KCNH1: variants seen among roughly 807,000 people sequenced by gnomAD.
KCNH1 encodes the protein potassium voltage-gated channel subfamily H member 1.
A neutral mutation model predicts 69.2 loss-of-function variants in KCNH1; 27 were observed. That is an observed-to-expected ratio of 0.39 (90% confidence interval 0.29 to 0.54). The LOEUF (loss-of-function observed/expected upper bound fraction) is 0.54. Ranked by LOEUF, KCNH1 falls within the 20% of genes least tolerant of loss-of-function variation. The probability of loss-of-function intolerance (pLI) is 0.68; values close to 1 mark genes in which losing one functional copy is unlikely to be tolerated. For synonymous variants in KCNH1, 456 were observed against 487.7 expected (o/e 0.93, Z 0.86); for missense variants, 798 against 1,261.6 (o/e 0.63, Z 5.57).
intron 7 of KCNH1, among the ~76,000 whole-genome samples, chr1:210,878,638 C>A (rs2102504970): frequency 6.6e-6 from 1 of 151,884 alleles, no homozygotes; most frequent in Admixed American, 6.6e-5. Context: ...AAATACAGTG[C>A]ATAGAGGAAA....
intron 6 of KCNH1, among the ~76,000 whole-genome samples, chr1:210,985,764 G>T (rs11119650): frequency 0.71 from 107,984 of 152,036 alleles, 39,313 homozygotes; most frequent in African/African-American, 0.87. Context: ...ATTCTGTTGA[G>T]TCGGGGTGGA....
intron 1 of KCNH1, among the ~76,000 whole-genome samples, chr1:211,117,243 C>T (rs145593838): frequency 1.1e-3 from 170 of 152,308 alleles, no homozygotes; most frequent in African/African-American, 3.7e-3. Flanking sequence ...TTAGGTAATA[C>T]AGTCAAAGCC....
chr1:210,917,237 A>AAGAG (rs1324362037), intron 7 of KCNH1, among the ~76,000 whole-genome samples: 1 of 131,728 alleles, frequency 7.6e-6, no homozygotes, highest in African/African-American at 3.0e-5. Flanking sequence ...GAGAGAAAGA[A>AAGAG]AGAAAGAAAG....
intron 7 of KCNH1, among the ~76,000 whole-genome samples, chr1:210,870,986 A>G (rs1686228350): frequency 6.6e-6 from 1 of 152,188 alleles, no homozygotes; most frequent in African/African-American, 2.4e-5. Flanking sequence ...TTCCATACTT[A>G]TGGAATAGGG....
rs1684823012 is a variant in KCNH1, at chr1:210,816,650, T to A, written c.1463-12484A>T. 5.3e-5 allele frequency among the ~76,000 whole-genome samples: 8 copies of A among 152,242 alleles called. No homozygotes were observed. In the South Asian group the frequency reaches 1.7e-3, roughly 32 times the overall value. ...TTTGCAAACCCAGGTCTTGCTTTAC[T>A]TCCTAATGAGAGCTCTAAGTTTATT... On this transcript the variant is annotated intron_variant, in intron 7 of 10. Transcript: ENST00000271751.
chr1:211,064,990 T>C (rs535873078), intron 5 of KCNH1, among the ~76,000 whole-genome samples: 1 of 152,274 alleles, frequency 6.6e-6, no homozygotes, highest in South Asian at 2.1e-4. Context: ...AAGATAAGCA[T>C]TGGAGAAGAC....
chr1:210,786,877 CT>C (rs1168874548), intron 9 of KCNH1, among the ~76,000 whole-genome samples: 2 of 152,108 alleles, frequency 1.3e-5, no homozygotes, highest in Non-Finnish European at 2.9e-5. Flanking sequence ...CATAAAATAC[CT>C]CTTGGATCTA....
At chr1:211,070,496 G>A (rs1341486872) in intron 5 of KCNH1, among the ~76,000 whole-genome samples, 3 of 147,468 alleles carry the variant, frequency 2.0e-5, no homozygotes, top group Admixed American at 6.8e-5. Context: ...TCAAACTGCA[G>A]AATATCTAAG....
chr1:210,690,040 A>G (rs1450665727), intron 10 of KCNH1, among the ~76,000 whole-genome samples: 1 of 152,150 alleles, frequency 6.6e-6, no homozygotes, highest in East Asian at 1.9e-4. Context: ...CTCTGCCTGT[A>G]CTCACACTTC....
intron 5 of KCNH1, among the ~76,000 whole-genome samples, chr1:211,021,826 A>AT (rs1464016458): frequency 6.6e-6 from 1 of 152,184 alleles, no homozygotes; most frequent in East Asian, 1.9e-4. Context: ...GAGATAAGAA[A>AT]TTGAAGAGGA....
chr1:211,133,959 CG>C lies in KCNH1; in HGVS notation c.-15del. ...AGCCATGGTCATCCTCCCAGCAGCT[CG>C]GGGTCCGGCGGGCGTCCTGGCGCGG... On this transcript the variant is annotated 5_prime_UTR_variant, in exon 1 of 11. Coordinates refer to ENST00000271751, the MANE Select transcript of KCNH1 (RefSeq NM_172362.3). This position sits in a 1 kb window ranked among gnomAD's most constrained non-coding sequence, Gnocchi z 5.4. The C allele has an allele frequency of 5.6e-6, 9 of 1,604,248 alleles. No homozygotes were observed. Among genetic ancestry groups the C allele is most frequent in the African/African-American group, 1.3e-5 (1 of 74,300 alleles).
At chr1:210,833,679 CA>C (rs1190832058) in intron 7 of KCNH1, among the ~76,000 whole-genome samples, 1 of 152,072 alleles carries the variant, frequency 6.6e-6, no homozygotes, top group Non-Finnish European at 1.5e-5. Flanking sequence ...CCAAAATTGA[CA>C]AATGGGATCT....
chr1:211,112,516 A>ACC (rs71134655), intron 1 of KCNH1, among the ~76,000 whole-genome samples: 1 of 146,718 alleles, frequency 6.8e-6, no homozygotes, highest in East Asian at 2.0e-4. Flanking sequence ...AAAAAAAAAA[A>ACC]AAAAAAACAA....
intron 7 of KCNH1, among the ~76,000 whole-genome samples, chr1:210,916,074 G>A (rs1479623694): frequency 1.3e-5 from 2 of 152,098 alleles, no homozygotes; most frequent in Admixed American, 1.3e-4. Flanking sequence ...AGTGCAGGCT[G>A]TGGTCAATGC....
At position 210,962,857 on chromosome 1, in the gene KCNH1, T is replaced by C. The variant is rs183257035; in HGVS notation, c.1033-42788A>G. 6.7e-5 allele frequency among the ~76,000 whole-genome samples: 10 copies of C among 150,286 alleles called. No homozygotes were observed. In the East Asian group the frequency reaches 1.8e-3, roughly 26 times the overall value. The stretch of plus-strand genomic sequence containing the variant: ...CAGACTTTTTACATTTTGTGATCTA[T>C]TGAGCATCTAACAGTATCTAGTTGC... On this transcript the variant is annotated intron_variant, in intron 6 of 10. Transcript: ENST00000271751.
intron 6 of KCNH1, among the ~76,000 whole-genome samples, chr1:210,942,345 T>G (rs1215441002): frequency 6.6e-6 from 1 of 152,160 alleles, no homozygotes; most frequent in African/African-American, 2.4e-5. Flanking sequence ...AGGCCCCCTG[T>G]GACCCCAGTA....
At chr1:210,937,912 C>A (rs1687802142) in intron 6 of KCNH1, among the ~76,000 whole-genome samples, 1 of 152,204 alleles carries the variant, frequency 6.6e-6, no homozygotes, top group Non-Finnish European at 1.5e-5. Flanking sequence ...TCAATATAGA[C>A]CCTTTCCCTG....
intron 6 of KCNH1, among the ~76,000 whole-genome samples, chr1:210,933,396 G>C (rs1687715721): frequency 6.6e-6 from 1 of 152,120 alleles, no homozygotes; most frequent in African/African-American, 2.4e-5. Context: ...ATAGCTTTCG[G>C]AGATATATCT....
intron 5 of KCNH1, among the ~76,000 whole-genome samples, chr1:211,065,750 A>G (rs937679499): frequency 6.6e-6 from 1 of 152,158 alleles, no homozygotes; most frequent in Non-Finnish European, 1.5e-5. Context: ...AAATATATAT[A>G]ATTTTGATCA....
Sources: gnomAD v4.1 joint callset for allele counts (sites outside exome capture counted in the v4.1 genomes callset) on GRCh38, gnomAD v4.1.1 for gene constraint, Gnocchi (gnomAD v3.1) non-coding constraint, MANE v1.5 for transcripts, NCBI Gene and HGNC (gene_info 2026-07-23, HGNC 2026-07-21) for gene names.